The following DPH6 variants were observed in gnomAD, a reference collection of about 807,000 sequenced individuals.
The protein encoded by DPH6 is diphthamine biosynthesis 6, also known as diphthine--ammonia ligase.
In DPH6, 33 loss-of-function variants were observed where a neutral mutation model predicts 38.2. That is an observed-to-expected ratio of 0.86 (90% CI 0.65 to 1.15). The LOEUF is 1.15. Ranked by LOEUF, DPH6 falls within the 50% of genes most tolerant of loss-of-function variation. The pLI, the probability that DPH6 is intolerant of heterozygous loss-of-function variation, is 0.00. For synonymous variants in DPH6, 108 were observed against 103.0 expected, an observed-to-expected ratio of 1.05 and a Z score of -0.30; for missense variants, 325 against 320.0, an observed-to-expected ratio of 1.02 and a Z score of -0.12.
rs546777912 is a variant in DPH6, at chr15:35,527,398, T to C, written c.312+10876A>G. ...GTTTAACACAATGCCTATTATAGTC[T>C]AGGAGCTGTATGGAGTCTCATAGGA... On this transcript the variant is annotated intron_variant, in intron 3 of 8. Transcript: ENST00000256538. Among the ~76,000 whole-genome samples the C allele has an allele frequency of 1.2e-4, 18 of 152,322 alleles. No homozygotes were observed. The South Asian group carries it at 2.1e-3, about 18-fold the overall frequency.
chr15:35,370,718 T>C (rs1190302925), downstream of DPH6, among the ~76,000 whole-genome samples: 4 of 150,484 alleles, frequency 2.7e-5, no homozygotes, highest in South Asian at 4.1e-4. Flanking sequence ...CAACAGAAAC[T>C]CTCATTCATT....
intron 5 of DPH6, among the ~76,000 whole-genome samples, chr15:35,434,596 G>A (rs1380590071): frequency 1.3e-5 from 2 of 152,094 alleles, no homozygotes; most frequent in African/African-American, 4.8e-5. Context: ...AAAAGTATAT[G>A]CACGCACACA....
chr15:35,196,571 AC>A, the DPH6 span, among the ~76,000 whole-genome samples: 1 of 152,214 alleles, frequency 6.6e-6, no homozygotes, highest in Non-Finnish European at 1.5e-5. Context: ...TAGTTGATCC[AC>A]AGAATAAACT....
chr15:35,235,135 T>TC (rs2051542409), intron 3 of DPH6, among the ~76,000 whole-genome samples: 1 of 152,204 alleles, frequency 6.6e-6, no homozygotes, highest in Non-Finnish European at 1.5e-5. Flanking sequence ...GGCATTCACT[T>TC]CCCTTTGGTA....
intron 5 of DPH6, among the ~76,000 whole-genome samples, chr15:35,425,971 C>T (rs1294984351): frequency 6.6e-6 from 1 of 151,204 alleles, no homozygotes; most frequent in East Asian, 1.9e-4. Context: ...ATTTCCTTCC[C>T]CTGCTGTTAT....
chr15:35,285,872 G>GGTTTTTTTT (rs1555391167), intron 3 of DPH6, among the ~76,000 whole-genome samples: 1,674 of 52,982 alleles, frequency 0.032, 180 homozygotes, highest in African/African-American at 0.11. Flanking sequence ...TTATCTTTGA[G>GGTTTTTTTT]TTTTTTTTTT....
Position 35,371,836 on chromosome 15 carries a change from C to T in DPH6, c.*314G>A, listed in dbSNP as rs926882929. 2.1e-5 allele frequency: 22 copies of T among 1,040,084 alleles called. No individual in the cohort carries two copies. The highest frequency in any genetic ancestry group is 2.5e-5 in the Non-Finnish European group (22 of 866,456). 64.4% of individuals were successfully genotyped at this position (1,040,084 alleles called of 1,614,324 possible). A position where few individuals can be genotyped will look rare whatever the true frequency, so the allele number is the denominator to read the frequency against. On this transcript the variant is annotated 3_prime_UTR_variant, in exon 9 of 9. Transcript: ENST00000256538. ...AGAAAGAGAGAAGGAGGAAAAGAAA[C>T]TAGTGTGATAAAAAAAGAAATGCTA...
At chr15:35,327,994 C>T (rs2052298626), downstream of DPH6, among the ~76,000 whole-genome samples, 1 of 152,110 alleles carries the variant, frequency 6.6e-6, no homozygotes, top group African/African-American at 2.4e-5. Context: ...TATGACTGTA[C>T]CTTGTTTATT....
At chr15:35,498,172 A>T (rs916218362) in intron 3 of DPH6, among the ~76,000 whole-genome samples, 5 of 152,152 alleles carry the variant, frequency 3.3e-5, no homozygotes, top group Admixed American at 3.3e-4. Flanking sequence ...CACAACCTTA[A>T]TACTATCTCA....
At chr15:35,494,143 T>C (rs1250703950) in intron 3 of DPH6, among the ~76,000 whole-genome samples, 1 of 152,162 alleles carries the variant, frequency 6.6e-6, no homozygotes, top group African/African-American at 2.4e-5. Flanking sequence ...TTAACACATG[T>C]AAATCACTTG....
At chr15:35,446,323 C>A (rs1251940992) in intron 5 of DPH6, among the ~76,000 whole-genome samples, 1 of 149,926 alleles carries the variant, frequency 6.7e-6, no homozygotes, top group Non-Finnish European at 1.5e-5. Flanking sequence ...CTTGACTTCC[C>A]AGGCTCAAGT....
chr15:35,234,843 CT>C (rs1315477290), intron 3 of DPH6, among the ~76,000 whole-genome samples: 1 of 152,134 alleles, frequency 6.6e-6, no homozygotes, highest in Non-Finnish European at 1.5e-5. Context: ...CTTGGAACAG[CT>C]TATGGCAATG....
chr15:35,459,612 C>A (rs536642383), intron 3 of DPH6, among the ~76,000 whole-genome samples: 5 of 152,132 alleles, frequency 3.3e-5, no homozygotes, highest in African/African-American at 1.2e-4. Context: ...ATACTTGAAG[C>A]CACGGGAGCA....
intron 3 of DPH6, among the ~76,000 whole-genome samples, chr15:35,469,713 T>C (rs1346919234): frequency 6.6e-6 from 1 of 152,112 alleles, no homozygotes; most frequent in Non-Finnish European, 1.5e-5. Flanking sequence ...AGGTATCCAG[T>C]AGACAGTTGG....
At chr15:35,267,532 C>T (rs747877808) in intron 3 of DPH6, among the ~76,000 whole-genome samples, 2 of 152,284 alleles carry the variant, frequency 1.3e-5, no homozygotes, top group Middle Eastern at 3.4e-3. Context: ...CTCTTAGCTT[C>T]CGGGGAATTC....
intron 3 of DPH6, among the ~76,000 whole-genome samples, chr15:35,504,503 AC>A (rs923614362): frequency 1.3e-5 from 2 of 151,784 alleles, no homozygotes; most frequent in Non-Finnish European, 2.9e-5. Context: ...AAAAAAAAAA[AC>A]CTCTATCATA....
chr15:35,483,309 C>A (rs1024265615), intron 3 of DPH6, among the ~76,000 whole-genome samples: 3 of 151,698 alleles, frequency 2.0e-5, no homozygotes, highest in Non-Finnish European at 2.9e-5. Context: ...ACTAAAAATA[C>A]AAAAATTAGC....
At position 35,400,856 on chromosome 15, in the gene DPH6, G is replaced by A; in HGVS notation, c.567+9979C>T. ...GATCCAAACACCAAACATTCCAGGGGCTTTGGGTTTGTCTCATATGCCACT... is the reference window on the plus strand; with the variant it reads ...GATCCAAACACCAAACATTCCAGGGACTTTGGGTTTGTCTCATATGCCACT... On this transcript the variant is annotated intron_variant, in intron 6 of 8. Coordinates refer to ENST00000256538, the MANE Select transcript of DPH6 (RefSeq NM_080650.4). 5 of 806,270 alleles carry A rather than the reference G, an allele frequency of 6.2e-6. No individual in the cohort carries two copies. In the East Asian group the frequency reaches 9.7e-5, roughly 16 times the overall value. The allele number at this position is 806,270 out of a possible 1,614,324, so 49.9% of individuals were successfully genotyped here. A position where few individuals can be genotyped will look rare whatever the true frequency, so the allele number is the denominator to read the frequency against.
chr15:35,400,287 A>T (rs58377871), intron 6 of DPH6, among the ~76,000 whole-genome samples: 5,499 of 152,306 alleles, frequency 0.036, 328 homozygotes, highest in African/African-American at 0.13. Context: ...TTAGCTGTGT[A>T]TTGGGCTTTT....
Sources: allele counts gnomAD v4.1 joint callset (sites outside exome capture counted in the v4.1 genomes callset), GRCh38; gene constraint gnomAD v4.1.1; transcripts MANE v1.5; gene names NCBI Gene and HGNC (gene_info 2026-07-23, HGNC 2026-07-21).